Variants in PASD1 observed in about 807,000 individuals in gnomAD.
The protein encoded by PASD1 is circadian clock protein PASD1.
Under a neutral mutation model 58.8 loss-of-function variants are expected in PASD1, and 13 were observed. That is an observed-to-expected ratio of 0.22 (90% CI 0.14 to 0.35). The LOEUF (loss-of-function observed/expected upper bound fraction) is 0.35, where lower values mean the gene tolerates loss of function less well. PASD1 is among the 10% of genes least tolerant of loss of function. The pLI is 1.00. For missense variants in PASD1, 734 were observed against 568.3 expected (o/e 1.29, Z -2.96); for synonymous variants, 236 against 216.7 (o/e 1.09, Z -0.78).
chrX:151,641,792 A>G lies in PASD1; in HGVS notation c.630-6823A>G, dbSNP rs1641465401. The stretch of plus-strand genomic sequence containing the variant: ...CTATCTCTCAATCCCAACACACACC[A>G]TAGACGTGTGCACACGCGTACTTAC... On this transcript the variant is annotated intron_variant, in intron 8 of 15. Transcript: ENST00000370357. Among the ~76,000 whole-genome samples, 3 of 104,978 alleles carry G rather than the reference A, an allele frequency of 2.9e-5. 1 individual carries two copies. Among genetic ancestry groups the G allele is most frequent in the South Asian group, 8.4e-4 (2 of 2,370 alleles). The allele number at this position is 104,978 out of a possible 115,157, so 91.2% of individuals were successfully genotyped here.
At chrX:151,670,564 T>A (rs2014453256) in intron 11 of PASD1, among the ~76,000 whole-genome samples, 1 of 112,367 alleles carries the variant, frequency 8.9e-6, no homozygotes, top group South Asian at 3.7e-4. Context: ...ACAATAATAG[T>A]ACCTGCTTTT....
intron 9 of PASD1, 34 bp from the exon 10 acceptor site, chrX:151,659,679 C>T (rs762050662): frequency 8.6e-7 from 1 of 1,157,429 alleles, no homozygotes; most frequent in South Asian, 2.0e-5. Context: ...CTCCAAAATG[C>T]AATGTCCTAT....
chrX:151,585,418 G>A (rs2013150273), intron 1 of PASD1, among the ~76,000 whole-genome samples: 1 of 112,102 alleles, frequency 8.9e-6, no homozygotes, highest in Admixed American at 9.5e-5. Context: ...GGGGGACCCA[G>A]GGGAAGGCTT....
chrX:151,580,643 T>A (rs923218226), intron 1 of PASD1, among the ~76,000 whole-genome samples: 5 of 109,023 alleles, frequency 4.6e-5, no homozygotes, highest in African/African-American at 1.7e-4. Context: ...TAGAAAATAA[T>A]ACAATATAAA....
intron 4 of PASD1, among the ~76,000 whole-genome samples, chrX:151,620,276 C>G (rs1162444498): frequency 9.0e-6 from 1 of 111,373 alleles, no homozygotes; most frequent in African/African-American, 3.3e-5. Flanking sequence ...GTGAGACTTT[C>G]TAGAACAATG....
rs1322207045 is a variant in PASD1 at position 151,563,698 on chromosome X, C to T, written c.-169C>T. On this transcript the variant is annotated 5_prime_UTR_variant, in exon 1 of 16. Coordinates refer to ENST00000370357, the MANE Select transcript of PASD1 (RefSeq NM_173493.3). The stretch of plus-strand genomic sequence containing the variant: ...TTGCACTCTGGGGCCCACGCACTTC[C>T]CTGAAGAGTCTAGAAGCTGCTCCTC... 1 of 111,995 alleles carries T rather than the reference C, an allele frequency of 8.9e-6. No homozygotes were observed. The highest frequency in any genetic ancestry group is 1.9e-5 in the Non-Finnish European group (1 of 53,156). 9.2% of individuals were successfully genotyped at this position (111,995 alleles called of 1,213,427 possible). A position where few individuals can be genotyped will look rare whatever the true frequency, so the allele number is the denominator to read the frequency against.
intron 11 of PASD1, among the ~76,000 whole-genome samples, chrX:151,667,268 A>G (rs1414952467): frequency 1.8e-5 from 2 of 111,892 alleles, no homozygotes; most frequent in Non-Finnish European, 3.8e-5. Flanking sequence ...TTCATTGTAG[A>G]TTCTGGTTAT....
intron 1 of PASD1, among the ~76,000 whole-genome samples, chrX:151,581,221 C>A (rs1328689500): frequency 7.8e-5 from 1 of 12,790 alleles, no homozygotes; most frequent in Non-Finnish European, 1.6e-4. Context: ...GAGTAAAGCT[C>A]TGTATCAAAA....
intron 1 of PASD1, among the ~76,000 whole-genome samples, chrX:151,578,636 C>T (rs1376564430): frequency 8.9e-6 from 1 of 112,460 alleles, no homozygotes; most frequent in Non-Finnish European, 1.9e-5. Flanking sequence ...AGAAACAAGC[C>T]TAACTCCCCA....
At chrX:151,669,000 C>G (rs1322981293) in intron 11 of PASD1, among the ~76,000 whole-genome samples, 1 of 108,192 alleles carries the variant, frequency 9.2e-6, no homozygotes, top group Non-Finnish European at 1.9e-5. Flanking sequence ...CGTCAGCCTC[C>G]TGAGTACCTG....
rs1444978599 is a variant in PASD1, at chrX:151,671,627, G to T, written c.1285G>T (p.Ala429Ser). The change falls in exon 13 of 16, where the codon GCA (alanine) becomes TCA (serine). Residue 429 changes from alanine (A) to serine (S), a missense_variant. By Grantham distance (99) the Ala-to-Ser change is moderately conservative. Coordinates refer to ENST00000370357, the MANE Select transcript of PASD1 (RefSeq NM_173493.3). ...VVIPDLQSSEAVPKKQQKQHA... is the reference protein window; with the variant it reads ...VVIPDLQSSESVPKKQQKQHA... The stretch of plus-strand genomic sequence containing the variant: ...CATTCCTGATCTCCAATCTTCGGAG[G>T]CAGTGCCCAAGAAACAACAGAAACA... 1.7e-6 allele frequency: 2 copies of T among 1,210,149 alleles called. No individual in the cohort carries two copies. The highest frequency in any genetic ancestry group is 3.5e-5 in the African/African-American group (2 of 57,245).
intron 3 of PASD1, among the ~76,000 whole-genome samples, chrX:151,609,006 A>C (rs1386284549): frequency 9.0e-6 from 1 of 111,490 alleles, no homozygotes; most frequent in Non-Finnish European, 1.9e-5. Context: ...GACTTTTAAC[A>C]TTCTTGATTC....
At chrX:151,597,745 G>C (rs1200086648) in intron 1 of PASD1, among the ~76,000 whole-genome samples, 1 of 110,337 alleles carries the variant, frequency 9.1e-6, no homozygotes. Context: ...TTGTTTGTTT[G>C]TATGAAATGG....
intron 4 of PASD1, 138 bp downstream of exon 4, chrX:151,611,891 A>G (rs902264913): frequency 4.2e-5 from 17 of 406,973 alleles, no homozygotes; most frequent in Admixed American, 2.2e-4. Context: ...ATATGGATAC[A>G]TGTGCCATGT....
intron 1 of PASD1, among the ~76,000 whole-genome samples, chrX:151,567,174 G>A (rs1458166816): frequency 9.0e-6 from 1 of 111,515 alleles, no homozygotes; most frequent in Non-Finnish European, 1.9e-5. Flanking sequence ...TCCGCCATAC[G>A]TACCACACCT....
intron 3 of PASD1, 137 bp downstream of exon 3, chrX:151,604,871 C>T: frequency 2.1e-6 from 1 of 486,914 alleles, no homozygotes. Context: ...CTTAAATCGT[C>T]TGAATCAGAC....
chrX:151,667,220 G>GT (rs1272495905), intron 11 of PASD1, among the ~76,000 whole-genome samples: 1 of 111,949 alleles, frequency 8.9e-6, no homozygotes, highest in Non-Finnish European at 1.9e-5. Context: ...TCGCCCACTT[G>GT]TTGATGGGGT....
chrX:151,656,512 T>G (rs1352388640), intron 9 of PASD1, among the ~76,000 whole-genome samples: 1 of 111,721 alleles, frequency 9.0e-6, no homozygotes, highest in Non-Finnish European at 1.9e-5. Flanking sequence ...CTTCCATTTG[T>G]TTGTGTCCTT....
chrX:151,630,506 G>A (rs1268622540), intron 8 of PASD1, among the ~76,000 whole-genome samples: 1 of 112,273 alleles, frequency 8.9e-6, no homozygotes, highest in African/African-American at 3.3e-5. Context: ...CCTATTGCTT[G>A]ATTTTTTCAT....
Sources: allele counts gnomAD v4.1 joint callset (sites outside exome capture counted in the v4.1 genomes callset), GRCh38; gene constraint gnomAD v4.1.1; transcripts MANE v1.5; gene names NCBI Gene and HGNC (gene_info 2026-07-23, HGNC 2026-07-21).